The following HOPX variants were observed in gnomAD, a reference collection of about 807,000 sequenced individuals.
The protein encoded by HOPX is homeodomain-only protein.
In HOPX, 5 loss-of-function variants were observed where a neutral mutation model predicts 11.8. The ratio of observed to expected loss-of-function variants is 0.43; its 90% CI spans 0.22 to 0.89. HOPX has a LOEUF of 0.89. Ranked by LOEUF, HOPX falls within the 40% of genes least tolerant of loss-of-function variation. The probability of loss-of-function intolerance (pLI) is 0.28; values close to 1 mark genes in which losing one functional copy is unlikely to be tolerated. For missense variants in HOPX, 119 were observed against 120.0 expected (o/e 0.99, Z 0.04); for synonymous variants, 49 against 49.7 (o/e 0.99, Z 0.06).
At chr4:56,650,996 A>C (rs1405287570) in intron 3 of HOPX, 1 of 511,142 alleles carries the variant, frequency 2.0e-6, no homozygotes, top group Non-Finnish European at 3.4e-6. Flanking sequence ...TCAAGGATGC[A>C]AGGTCTGATT....
intron 1 of HOPX, among the ~76,000 whole-genome samples, chr4:56,670,992 CA>C (rs1718706371): frequency 6.6e-6 from 1 of 151,098 alleles, no homozygotes; most frequent in African/African-American, 2.4e-5. Flanking sequence ...AAAAAAAAAT[CA>C]AATACAGATA....
intron 1 of HOPX, among the ~76,000 whole-genome samples, chr4:56,661,489 A>T (rs890568751): frequency 2.6e-5 from 4 of 152,140 alleles, no homozygotes; most frequent in Admixed American, 6.5e-5. Flanking sequence ...CTCCTGGTTT[A>T]TAGAGTGTGT....
intron 1 of HOPX, among the ~76,000 whole-genome samples, chr4:56,667,320 C>A (rs1325644940): frequency 2.6e-5 from 4 of 152,192 alleles, no homozygotes; most frequent in Admixed American, 2.6e-4. Context: ...TAGACATTTT[C>A]AAAGAGATTT....
At chr4:56,648,891 G>T in intron 3 of HOPX, 94 bp from the exon 4 acceptor site, 1 of 907,742 alleles carries the variant, frequency 1.1e-6, no homozygotes, top group Non-Finnish European at 1.7e-6. Context: ...GGCACAAGTG[G>T]AAAGGAGAGA....
chr4:56,651,157 C>A (rs1225635073), intron 3 of HOPX: 5 of 187,338 alleles, frequency 2.7e-5, no homozygotes, highest in Admixed American at 2.2e-4. Context: ...CCACCCACAT[C>A]TTTACACTAT....
chr4:56,656,038 G>C (rs1344639030), intron 2 of HOPX, 26 bp from the exon 3 acceptor site: 2 of 1,540,958 alleles, frequency 1.3e-6, no homozygotes, highest in African/African-American at 1.4e-5. Flanking sequence ...AAGCGGCGGC[G>C]GTGAGCGAGG....
chr4:56,657,988 A>AGTCTATG, intron 1 of HOPX, 89 bp from the exon 2 acceptor site: 1 of 1,261,270 alleles, frequency 7.9e-7, no homozygotes, highest in Non-Finnish European at 1.1e-6. Flanking sequence ...CTAGTAGGAC[A>AGTCTATG]CCAATTCTAG....
At chr4:56,673,732 T>A (rs1718859159) in intron 1 of HOPX, among the ~76,000 whole-genome samples, 1 of 147,234 alleles carries the variant, frequency 6.8e-6, no homozygotes, top group Non-Finnish European at 1.5e-5. Context: ...GTGTGTGTAG[T>A]CTCGCTCTGT....
intron 1 of HOPX, among the ~76,000 whole-genome samples, chr4:56,671,366 G>A (rs1364642258): frequency 6.6e-6 from 1 of 151,970 alleles, no homozygotes; most frequent in Non-Finnish European, 1.5e-5. Flanking sequence ...GGTTAGTTGT[G>A]TATTTTGAAA....
intron 1 of HOPX, among the ~76,000 whole-genome samples, chr4:56,675,925 C>T (rs1718991625): frequency 6.6e-6 from 1 of 151,744 alleles, no homozygotes; most frequent in Admixed American, 6.6e-5. Flanking sequence ...CACTCCAAGC[C>T]ATAGGTCATC....
intron 1 of HOPX, among the ~76,000 whole-genome samples, chr4:56,666,698 G>A (rs7687947): frequency 2.6e-5 from 4 of 152,118 alleles, no homozygotes; most frequent in African/African-American, 9.7e-5. Flanking sequence ...AAATAAATGG[G>A]CAAACAGAAG....
At chr4:56,677,511 G>A (rs12642850) in intron 1 of HOPX, among the ~76,000 whole-genome samples, 113,887 of 151,586 alleles carry the variant, frequency 0.75, 43,951 homozygotes, top group African/African-American at 0.93. Context: ...TTCATTAAAC[G>A]ATTATTGTCT....
At chr4:56,652,564 T>C (rs776235143) in intron 3 of HOPX, among the ~76,000 whole-genome samples, 4 of 151,730 alleles carry the variant, frequency 2.6e-5, no homozygotes, top group Non-Finnish European at 5.9e-5. Flanking sequence ...TCCCAGCACT[T>C]TGGGAGGCCA....
At position 56,656,020 on chromosome 4, in the gene HOPX, G is replaced by A. The variant is rs370983433; in HGVS notation, c.43-8C>T. The A allele has an allele frequency of 1.1e-4, 166 of 1,566,326 alleles. No homozygotes were observed. Among genetic ancestry groups the A allele is most frequent in the Non-Finnish European group, 1.3e-4 (152 of 1,156,224 alleles). On this transcript the variant is annotated splice_polypyrimidine_tract_variant and splice_region_variant and intron_variant, in intron 2 of 3. Coordinates refer to ENST00000420433, the MANE Select transcript of HOPX (RefSeq NM_032495.6). ...CGACATGGTCCCTGCGCGCTGCGGG[G>A]CAGGGAGAAGCGGCGGCGGTGAGCG...
chr4:56,651,048 T>G (rs1041245370), intron 3 of HOPX: 5 of 379,798 alleles, frequency 1.3e-5, no homozygotes, highest in Non-Finnish European at 2.4e-5. Context: ...AATGGCAGCA[T>G]TGTAAAGACT....
intron 2 of HOPX, 159 bp from the exon 3 acceptor site, chr4:56,656,171 G>A: frequency 1.3e-5 from 14 of 1,115,442 alleles, no homozygotes; most frequent in Non-Finnish European, 1.6e-5. Context: ...CACGCTGAGC[G>A]GGGGCTTACG....
chr4:56,649,706 C>T (rs1389508901), intron 3 of HOPX: 1 of 152,182 alleles, frequency 6.6e-6, no homozygotes, highest in Non-Finnish European at 1.5e-5. Context: ...CTAGAACATG[C>T]CTATATGTTG....
intron 1 of HOPX, among the ~76,000 whole-genome samples, chr4:56,668,884 G>T (rs2109532222): frequency 6.6e-6 from 1 of 152,270 alleles, no homozygotes; most frequent in African/African-American, 2.4e-5. Flanking sequence ...ATCCTTGGCT[G>T]CTTTATTTAA....
At chr4:56,666,389 T>G (rs780883660) in intron 1 of HOPX, among the ~76,000 whole-genome samples, 2 of 152,228 alleles carry the variant, frequency 1.3e-5, no homozygotes, top group African/African-American at 4.8e-5. Flanking sequence ...AAACTGTTGT[T>G]GAAACAAGTC....
Sources: gnomAD v4.1 joint callset for allele counts (sites outside exome capture counted in the v4.1 genomes callset) on GRCh38, gnomAD v4.1.1 for gene constraint, MANE v1.5 for transcripts, NCBI Gene and HGNC (gene_info 2026-07-23, HGNC 2026-07-21) for gene names.